Variants in TBC1D31 observed in about 807,000 individuals in gnomAD.
TBC1D31 encodes the protein TBC1 domain family member 31, also known as WD repeat domain 67.
TBC1D31 carries 99 observed loss-of-function variants against 132.9 expected under a neutral mutation model. The ratio of observed to expected loss-of-function variants is 0.74; its 90% CI spans 0.63 to 0.88. TBC1D31 has a LOEUF of 0.88. Among genes scored for constraint, TBC1D31 ranks in the 40% least tolerant of loss-of-function variants. The probability of loss-of-function intolerance (pLI) is 0.00; values close to 1 mark genes in which losing one functional copy is unlikely to be tolerated. For synonymous variants in TBC1D31, 385 were observed against 419.4 expected (o/e 0.92, Z 1.00); for missense variants, 1,134 against 1,256.6 (o/e 0.90, Z 1.48).
At chr8:123,106,179 G>T (rs1471379837) in intron 8 of TBC1D31, among the ~76,000 whole-genome samples, 10 of 152,084 alleles carry the variant, frequency 6.6e-5, no homozygotes, top group African/African-American at 2.4e-4. Flanking sequence ...ATCAGCTGTG[G>T]TCCAAATATA....
chr8:123,114,667 A>G (rs1818755971), intron 10 of TBC1D31, among the ~76,000 whole-genome samples: 1 of 152,198 alleles, frequency 6.6e-6, no homozygotes, highest in Non-Finnish European at 1.5e-5. Flanking sequence ...TTCATTTTCA[A>G]TGACAAAAAG....
the TBC1D31 span, among the ~76,000 whole-genome samples, chr8:123,157,255 G>T: frequency 6.6e-6 from 1 of 152,290 alleles, no homozygotes; most frequent in African/African-American, 2.4e-5. Flanking sequence ...TCGAACTCAC[G>T]ACCTTCAGAT....
chr8:123,094,193 T>C (rs1421143422), intron 5 of TBC1D31, among the ~76,000 whole-genome samples: 1 of 151,796 alleles, frequency 6.6e-6, no homozygotes, highest in Admixed American at 6.6e-5. Flanking sequence ...GCCTCCCGAG[T>C]AGCTGGGATT....
intron 2 of TBC1D31, among the ~76,000 whole-genome samples, chr8:123,081,980 C>T (rs1227500643): frequency 2.0e-5 from 3 of 152,202 alleles, no homozygotes; most frequent in Admixed American, 2.0e-4. Flanking sequence ...TTACCTGTTT[C>T]TTCTTACTTT....
rs371798153 is a variant in TBC1D31, at chr8:123,120,098, A to G, written c.1480A>G (p.Thr494Ala). ...TCACTGGTCTGTCATTTTTAGTGAC[A>G]CACCATATCTTCCACTCTTGGCATT... ...LAHWSVIFSDTPYLPLLAFPF... is the reference protein window; with the variant it reads ...LAHWSVIFSDAPYLPLLAFPF... Residue 494 changes from threonine to alanine, a missense_variant, in exon 11 of 22, where the codon ACA becomes GCA. Thr to Ala is a moderately conservative substitution (Grantham distance 58). Transcript: ENST00000287380. 1.1e-4 allele frequency: 173 copies of G among 1,610,460 alleles called. No homozygotes were observed. The highest frequency in any genetic ancestry group is 1.4e-4 in the Non-Finnish European group (169 of 1,178,462).
intron 8 of TBC1D31, 151 bp downstream of exon 8, chr8:123,105,615 T>A (rs550285846): frequency 4.1e-6 from 3 of 733,224 alleles, no homozygotes; most frequent in Non-Finnish European, 6.0e-6. Flanking sequence ...ATGCACAGGC[T>A]GGTCTCAATC....
intron 6 of TBC1D31, among the ~76,000 whole-genome samples, chr8:123,099,403 A>C (rs1817148477): frequency 6.6e-6 from 1 of 152,140 alleles, no homozygotes; most frequent in Admixed American, 6.5e-5. Context: ...TACAGATGTG[A>C]GCCACCATGC....
At chr8:123,129,452 G>T (rs1443135208) in intron 15 of TBC1D31, among the ~76,000 whole-genome samples, 2 of 152,188 alleles carry the variant, frequency 1.3e-5, no homozygotes, top group Non-Finnish European at 2.9e-5. Flanking sequence ...ATATAGCTTT[G>T]CATGGATTAA....
intron 20 of TBC1D31, among the ~76,000 whole-genome samples, chr8:123,149,426 G>C (rs538825385): frequency 6.6e-6 from 1 of 152,346 alleles, no homozygotes; most frequent in East Asian, 1.9e-4. Flanking sequence ...GGAGTAGAAA[G>C]GAAGGGACCA....
chr8:123,095,873 T>A (rs1288296723), intron 5 of TBC1D31, among the ~76,000 whole-genome samples: 1 of 152,232 alleles, frequency 6.6e-6, no homozygotes, highest in Non-Finnish European at 1.5e-5. Flanking sequence ...CAATCATTGT[T>A]TCTAGTCAGG....
At chr8:123,100,774 T>G in intron 6 of TBC1D31, 33 bp from the exon 7 acceptor site, 2 of 1,539,686 alleles carry the variant, frequency 1.3e-6, no homozygotes, top group Non-Finnish European at 1.8e-6. Context: ...GACTATCACA[T>G]GTTTTTAGGA....
chr8:123,157,132 G>T (rs145494105), downstream of TBC1D31, among the ~76,000 whole-genome samples: 1 of 152,128 alleles, frequency 6.6e-6, no homozygotes, highest in Middle Eastern at 3.2e-3. Flanking sequence ...GACACTCGTC[G>T]CAGATATGTC....
chr8:123,125,284 G>A (rs1279239486), intron 11 of TBC1D31, among the ~76,000 whole-genome samples: 5 of 152,196 alleles, frequency 3.3e-5, no homozygotes, highest in South Asian at 2.1e-4. Context: ...AACAATCTGT[G>A]GGTCGTTCTA....
intron 19 of TBC1D31, among the ~76,000 whole-genome samples, chr8:123,143,521 C>T (rs1821903758): frequency 6.6e-6 from 1 of 152,066 alleles, no homozygotes; most frequent in South Asian, 2.1e-4. Context: ...TCCTAAGGAC[C>T]CTGAGGAGCT....
chr8:123,120,054 G>A lies in TBC1D31; in HGVS notation c.1437-1G>A, dbSNP rs764855457. On this transcript the variant is annotated splice_acceptor_variant, in intron 10 of 21. Transcript: ENST00000287380. LOFTEE classifies it high-confidence loss of function. The stretch of plus-strand genomic sequence containing the variant: ...TTAATGCTAAGTTATTTTATTCACA[G>A]AACCTTATCTGCATTAGCTCACTGG... The A allele has an allele frequency of 6.3e-7, 1 of 1,581,178 alleles. No individual in the cohort carries two copies. The highest frequency in any genetic ancestry group is 8.6e-7 in the Non-Finnish European group (1 of 1,168,416).
chr8:123,094,749 C>A (rs1376258534), intron 5 of TBC1D31, among the ~76,000 whole-genome samples: 1 of 151,998 alleles, frequency 6.6e-6, no homozygotes, highest in Non-Finnish European at 1.5e-5. Context: ...CCATGTTGGC[C>A]AGGCTGGTCT....
chr8:123,073,043 G>C (rs1163708258), intron 1 of TBC1D31, among the ~76,000 whole-genome samples, 197 bp downstream of exon 1: 1 of 152,192 alleles, frequency 6.6e-6, no homozygotes, highest in Admixed American at 6.5e-5. Flanking sequence ...GGGAGCGGGG[G>C]TCTGGTCCGG....
At chr8:123,119,768 C>A (rs1242265837) in intron 10 of TBC1D31, among the ~76,000 whole-genome samples, 2 of 152,134 alleles carry the variant, frequency 1.3e-5, no homozygotes, top group Admixed American at 6.6e-5. Flanking sequence ...GCTATCATAT[C>A]CATCTGTAAA....
intron 4 of TBC1D31, among the ~76,000 whole-genome samples, chr8:123,086,129 T>G (rs1216588263): frequency 6.6e-6 from 1 of 152,218 alleles, no homozygotes; most frequent in Non-Finnish European, 1.5e-5. Flanking sequence ...GGCTGTCATC[T>G]CCTGTGATTT....
Sources: allele counts gnomAD v4.1 joint callset (sites outside exome capture counted in the v4.1 genomes callset), GRCh38; gene constraint gnomAD v4.1.1; transcripts MANE v1.5; gene names NCBI Gene and HGNC (gene_info 2026-07-23, HGNC 2026-07-21).